TNIK: variants seen among roughly 807,000 people sequenced by gnomAD.
TNIK encodes TRAF2 and NCK interacting kinase, also known as TRAF2 and NCK-interacting protein kinase.
Under a neutral mutation model 191.3 loss-of-function variants are expected in TNIK, and 49 were observed. That is an observed-to-expected ratio of 0.26 (90% CI 0.20 to 0.32). The LOEUF is 0.32. TNIK is among the 10% of genes least tolerant of loss of function. The pLI is 1.00. For synonymous variants in TNIK, 594 were observed against 600.9 expected (o/e 0.99, Z 0.17); for missense variants, 1,155 against 1,702.3 (o/e 0.68, Z 5.66).
At chr3:171,218,116 G>A (rs1269895308) in intron 3 of TNIK, among the ~76,000 whole-genome samples, 1 of 152,092 alleles carries the variant, frequency 6.6e-6, no homozygotes, top group African/African-American at 2.4e-5. Flanking sequence ...TGAGAGAAGT[G>A]GCATTATCCA....
At chr3:171,370,569 T>C (rs942883601) in intron 1 of TNIK, among the ~76,000 whole-genome samples, 1 of 152,160 alleles carries the variant, frequency 6.6e-6, no homozygotes, top group African/African-American at 2.4e-5. Flanking sequence ...GGCATAAATC[T>C]AGGAGTCACA....
At chr3:171,418,842 A>G (rs1218984053) in intron 1 of TNIK, among the ~76,000 whole-genome samples, 2 of 152,194 alleles carry the variant, frequency 1.3e-5, no homozygotes, top group African/African-American at 4.8e-5. Context: ...ATAACAAAAT[A>G]CCACAGACTG....
intron 1 of TNIK, among the ~76,000 whole-genome samples, chr3:171,406,949 G>A (rs994721750): frequency 3.9e-5 from 6 of 152,236 alleles, no homozygotes; most frequent in African/African-American, 1.4e-4. Flanking sequence ...GAAGAAAGAA[G>A]GGAAGAATAG....
At chr3:171,431,752 AG>A (rs1725420690) in intron 1 of TNIK, among the ~76,000 whole-genome samples, 1 of 152,214 alleles carries the variant, frequency 6.6e-6, no homozygotes, top group Non-Finnish European at 1.5e-5. Flanking sequence ...TGAGTCACAG[AG>A]AAATTTAGTA....
At chr3:171,162,913 A>G (rs960502454) in intron 10 of TNIK, among the ~76,000 whole-genome samples, 1 of 152,266 alleles carries the variant, frequency 6.6e-6, no homozygotes, top group Non-Finnish European at 1.5e-5. Flanking sequence ...GCAATGAGAT[A>G]TCAAAGAAAG....
chr3:171,356,168 T>C (rs1714022879), intron 2 of TNIK, among the ~76,000 whole-genome samples: 2 of 151,424 alleles, frequency 1.3e-5, no homozygotes, highest in South Asian at 2.1e-4. Flanking sequence ...AGTCTGAATA[T>C]AGAGTTTTTC....
At position 171,062,030 on chromosome 3, in the gene TNIK, A is replaced by G. The variant is rs1038190244; in HGVS notation, c.*1851T>C. 1.3e-5 allele frequency: 2 copies of G among 152,206 alleles called. No homozygotes were observed. Among genetic ancestry groups the G allele is most frequent in the African/African-American group, 4.8e-5 (2 of 41,452 alleles). 9.4% of individuals were successfully genotyped at this position (152,206 alleles called of 1,614,324 possible). Reference sequence around the variant, plus strand: ...GGCATAATAATGTAATCCAGAAACTAGAATGTTTCCCCTTCTCTTCCCCAT... The same window carrying G: ...GGCATAATAATGTAATCCAGAAACTGGAATGTTTCCCCTTCTCTTCCCCAT... On this transcript the variant is annotated 3_prime_UTR_variant, in exon 33 of 33. Transcript: ENST00000436636.
At chr3:171,329,044 A>C (rs767663457) in intron 2 of TNIK, among the ~76,000 whole-genome samples, 1 of 152,206 alleles carries the variant, frequency 6.6e-6, no homozygotes, top group Admixed American at 6.5e-5. Flanking sequence ...CTCAAATTTC[A>C]TACTATTCTT....
At chr3:171,298,319 T>C (rs1477947459) in intron 2 of TNIK, among the ~76,000 whole-genome samples, 2 of 152,182 alleles carry the variant, frequency 1.3e-5, no homozygotes, top group Non-Finnish European at 1.5e-5. Flanking sequence ...TGTTAAGCAT[T>C]AACAAATGGA....
intron 15 of TNIK, among the ~76,000 whole-genome samples, chr3:171,130,734 C>T (rs756198235): frequency 6.6e-6 from 1 of 152,152 alleles, no homozygotes; most frequent in Non-Finnish European, 1.5e-5. Context: ...CAGGGTAGAT[C>T]ATTAATAGAT....
At chr3:171,404,191 T>C (rs1451728381) in intron 1 of TNIK, among the ~76,000 whole-genome samples, 4 of 152,202 alleles carry the variant, frequency 2.6e-5, no homozygotes, top group African/African-American at 4.8e-5. Context: ...ATTTTGACCA[T>C]GCAGTTCTTC....
intron 1 of TNIK, among the ~76,000 whole-genome samples, chr3:171,416,812 C>T (rs555959864): frequency 6.6e-6 from 1 of 152,262 alleles, no homozygotes; most frequent in South Asian, 2.1e-4. Context: ...TAGGCCTGTC[C>T]TTTACGCTTC....
At chr3:171,423,685 T>C (rs1189999375) in intron 1 of TNIK, among the ~76,000 whole-genome samples, 1 of 152,148 alleles carries the variant, frequency 6.6e-6, no homozygotes, top group East Asian at 1.9e-4. Flanking sequence ...GCCACATATC[T>C]ATGACTATCT....
At chr3:171,316,310 T>C (rs1391451880) in intron 2 of TNIK, among the ~76,000 whole-genome samples, 1 of 152,096 alleles carries the variant, frequency 6.6e-6, no homozygotes, top group Non-Finnish European at 1.5e-5. Context: ...GAGAAAAGCC[T>C]ATACAGGCAA....
intron 2 of TNIK, among the ~76,000 whole-genome samples, chr3:171,315,327 G>C (rs190462772): frequency 4.6e-5 from 7 of 152,200 alleles, no homozygotes; most frequent in Admixed American, 4.6e-4. Context: ...CCTGTTAATA[G>C]ACAACTGAAA....
At chr3:171,301,239 T>C (rs954646182) in intron 2 of TNIK, among the ~76,000 whole-genome samples, 4 of 151,636 alleles carry the variant, frequency 2.6e-5, no homozygotes, top group Non-Finnish European at 4.4e-5. Flanking sequence ...AACTGGAATC[T>C]AACTGTGTTC....
intron 1 of TNIK, among the ~76,000 whole-genome samples, chr3:171,386,142 G>A (rs943217108): frequency 5.9e-5 from 9 of 152,158 alleles, no homozygotes; most frequent in Admixed American, 2.6e-4. Context: ...TGCTGGTTAA[G>A]TAAATAATTT....
intron 22 of TNIK, among the ~76,000 whole-genome samples, chr3:171,094,667 C>A (rs1480149689): frequency 6.6e-6 from 1 of 152,092 alleles, no homozygotes; most frequent in East Asian, 1.9e-4. Flanking sequence ...CATGCTGTTC[C>A]CTCTGCCTGG....
At chr3:171,338,636 G>A (rs1011686741) in intron 2 of TNIK, among the ~76,000 whole-genome samples, 5 of 150,042 alleles carry the variant, frequency 3.3e-5, no homozygotes, top group African/African-American at 1.2e-4. Flanking sequence ...CTACAGGCAT[G>A]TACCACCATG....
Sources: allele counts gnomAD v4.1 joint callset (sites outside exome capture counted in the v4.1 genomes callset), GRCh38; gene constraint gnomAD v4.1.1; transcripts MANE v1.5; gene names NCBI Gene and HGNC (gene_info 2026-07-23, HGNC 2026-07-21).